Variants in FMN1 observed in about 807,000 individuals in gnomAD.
FMN1 encodes the protein formin-1.
Under a neutral mutation model 132.4 loss-of-function variants are expected in FMN1, and 110 were observed. That is an observed-to-expected ratio of 0.83 (90% CI 0.71 to 0.97). FMN1 has a LOEUF of 0.97. FMN1 is among the 50% of genes least tolerant of loss of function. The pLI is 0.00. For missense variants in FMN1, 1,792 were observed against 1,705.3 expected, an observed-to-expected ratio of 1.05 and a Z score of -0.90; for synonymous variants, 722 against 651.7, an observed-to-expected ratio of 1.11 and a Z score of -1.64.
At chr15:33,048,869 C>A (rs1047802408) in intron 6 of FMN1, among the ~76,000 whole-genome samples, 3 of 152,070 alleles carry the variant, frequency 2.0e-5, no homozygotes, top group African/African-American at 7.2e-5. Flanking sequence ...CTATCTCCCA[C>A]CAGGTCCCTC....
chr15:32,941,986 T>C (rs2061409987), intron 9 of FMN1, among the ~76,000 whole-genome samples: 1 of 152,202 alleles, frequency 6.6e-6, no homozygotes, highest in Admixed American at 6.5e-5. Context: ...ATGCAATTTG[T>C]GCAGCATTCC....
chr15:32,950,075 ATATATT>A (rs2061617349), intron 9 of FMN1, among the ~76,000 whole-genome samples: 4 of 117,402 alleles, frequency 3.4e-5, no homozygotes, highest in African/African-American at 1.3e-4. Flanking sequence ...ATATATATAT[ATATATT>A]AAAAAGCTCA....
At chr15:32,946,305 T>C (rs191896518) in intron 9 of FMN1, among the ~76,000 whole-genome samples, 138 of 152,248 alleles carry the variant, frequency 9.1e-4, no homozygotes, top group African/African-American at 3.0e-3. Flanking sequence ...TGAAAAAACC[T>C]ACCCACTGCC....
intron 19 of FMN1, among the ~76,000 whole-genome samples, chr15:32,792,396 A>G (rs932410908): frequency 2.6e-5 from 4 of 151,882 alleles, no homozygotes; most frequent in Admixed American, 1.3e-4. Flanking sequence ...AGTGAGCCGA[A>G]ATCGCGCCAC....
intron 4 of FMN1, among the ~76,000 whole-genome samples, chr15:33,115,301 A>C (rs1038618277): frequency 4.6e-5 from 7 of 152,218 alleles, no homozygotes; most frequent in Non-Finnish European, 1.0e-4. Context: ...ATGGGAAATA[A>C]TACTTGAAGG....
chr15:33,089,860 T>A (rs1207975697), intron 4 of FMN1, among the ~76,000 whole-genome samples: 1 of 152,186 alleles, frequency 6.6e-6, no homozygotes, highest in Non-Finnish European at 1.5e-5. Flanking sequence ...GATTTTACGG[T>A]CAAGTAAGTG....
intron 4 of FMN1, among the ~76,000 whole-genome samples, chr15:33,136,691 A>G (rs971773695): frequency 6.6e-6 from 1 of 152,196 alleles, no homozygotes; most frequent in Non-Finnish European, 1.5e-5. Flanking sequence ...TTTAATTTCT[A>G]TCACCTGTTT....
At chr15:32,885,731 C>A (rs2141470760) in intron 16 of FMN1, among the ~76,000 whole-genome samples, 1 of 152,194 alleles carries the variant, frequency 6.6e-6, no homozygotes, top group East Asian at 1.9e-4. Context: ...ATGACAACTT[C>A]TACTTAAATC....
At chr15:32,845,953 C>G (rs2141236636) in intron 17 of FMN1, among the ~76,000 whole-genome samples, 1 of 146,198 alleles carries the variant, frequency 6.8e-6, no homozygotes, top group African/African-American at 2.5e-5. Context: ...TCCCATTTTA[C>G]AGACAAGAAA....
chr15:32,817,558 T>C (rs2058092848), intron 17 of FMN1, among the ~76,000 whole-genome samples: 1 of 152,186 alleles, frequency 6.6e-6, no homozygotes, highest in South Asian at 2.1e-4. Context: ...TGGGTGATAT[T>C]TGCAGGAAAA....
At chr15:33,139,278 C>A (rs989506686) in intron 4 of FMN1, among the ~76,000 whole-genome samples, 2 of 152,140 alleles carry the variant, frequency 1.3e-5, no homozygotes. Context: ...GAGGAAGTTT[C>A]AAGGGTTCCA....
At position 32,823,443 on chromosome 15, in the gene FMN1, T is replaced by G. The variant is rs60240038; in HGVS notation, c.3929-19111A>C. The stretch of plus-strand genomic sequence containing the variant: ...CCTCCCAAAGTGCTGGGATTACAGG[T>G]GTGAGCCACTGCGCCCGGCCGAGAG... On this transcript the variant is annotated intron_variant, in intron 17 of 20. Transcript: ENST00000616417. Among the ~76,000 whole-genome samples the G allele has an allele frequency of 1.4e-3, 210 of 152,002 alleles. 1 individual carries two copies. Among genetic ancestry groups the G allele is most frequent in the Middle Eastern group, 3.4e-3 (1 of 292 alleles).
At chr15:33,051,034 G>C (rs1051613044) in intron 6 of FMN1, among the ~76,000 whole-genome samples, 1 of 152,216 alleles carries the variant, frequency 6.6e-6, no homozygotes, top group Non-Finnish European at 1.5e-5. Context: ...ATTCATGAGT[G>C]CATATACAAG....
intron 16 of FMN1, among the ~76,000 whole-genome samples, chr15:32,857,656 C>T (rs1016266819): frequency 2.6e-5 from 4 of 152,140 alleles, no homozygotes; most frequent in African/African-American, 9.7e-5. Context: ...TTCCCGTTCA[C>T]CTACCCTTCC....
intron 7 of FMN1, among the ~76,000 whole-genome samples, chr15:33,002,123 C>A (rs1307595934): frequency 6.6e-6 from 1 of 152,118 alleles, no homozygotes; most frequent in African/African-American, 2.4e-5. Context: ...GAAAACATTC[C>A]AAAAAGACCT....
In FMN1 at chr15:33,091,246, TAAC is replaced by T. The variant is rs2038892226; in HGVS notation, c.1868-2275_1868-2273del. 2.6e-5 allele frequency among the ~76,000 whole-genome samples: 4 copies of T among 152,150 alleles called. No homozygotes were observed. In the South Asian group the frequency reaches 8.3e-4, roughly 32 times the overall value. ...GGTACAAGAGAGTGAAACATTCCCA[TAAC>T]AACAAGGATTTGGGGTCCTTGAAAC... On this transcript the variant is annotated intron_variant, in intron 4 of 20. Coordinates refer to ENST00000616417, the MANE Select transcript of FMN1 (RefSeq NM_001277313.2).
At chr15:33,066,891 C>T (rs2037756405) in intron 5 of FMN1, 1 of 1,613,950 alleles carries the variant, frequency 6.2e-7, no homozygotes, top group Non-Finnish European at 8.5e-7. Flanking sequence ...GGATCAGTTG[C>T]TTTCTTCTCA....
intron 10 of FMN1, among the ~76,000 whole-genome samples, chr15:32,920,777 AT>A (rs1567394533): frequency 6.6e-6 from 1 of 152,202 alleles, no homozygotes; most frequent in Non-Finnish European, 1.5e-5. Context: ...AGTCTTCTGT[AT>A]TACTCCTTGC....
chr15:32,844,475 G>A (rs112075316), intron 17 of FMN1, among the ~76,000 whole-genome samples: 2 of 152,078 alleles, frequency 1.3e-5, no homozygotes, highest in African/African-American at 4.8e-5. Flanking sequence ...TATTTTAATT[G>A]TGAAAAATAT....
Sources: gnomAD v4.1 joint callset for allele counts (sites outside exome capture counted in the v4.1 genomes callset) on GRCh38, gnomAD v4.1.1 for gene constraint, MANE v1.5 for transcripts, NCBI Gene and HGNC (gene_info 2026-07-23, HGNC 2026-07-21) for gene names.